The following ANO6 variants were observed in gnomAD, a reference collection of about 807,000 sequenced individuals.
ANO6 encodes anoctamin-6.
In ANO6, 106 loss-of-function variants were observed where a neutral mutation model predicts 117.5. The ratio of observed to expected loss-of-function variants is 0.90; its 90% CI spans 0.77 to 1.06. The LOEUF is 1.06. Ranked by LOEUF, ANO6 falls within the 50% of genes least tolerant of loss-of-function variation. The pLI is 0.00. For missense variants in ANO6, 955 were observed against 1,121.1 expected, an observed-to-expected ratio of 0.85 and a Z score of 2.12; for synonymous variants, 367 against 385.1, an observed-to-expected ratio of 0.95 and a Z score of 0.55.
intron 2 of ANO6, among the ~76,000 whole-genome samples, chr12:45,317,364 A>G (rs1454539759): frequency 1.4e-5 from 2 of 142,308 alleles, no homozygotes; most frequent in African/African-American, 5.2e-5. Context: ...GAGTGAGAAC[A>G]TGAAGTGTTT....
chr12:45,317,241 A>G (rs1286074095), intron 2 of ANO6, among the ~76,000 whole-genome samples: 14 of 147,362 alleles, frequency 9.5e-5, no homozygotes, highest in Non-Finnish European at 2.1e-4. Context: ...AATTTATATT[A>G]GGTGTATCTC....
intron 1 of ANO6, among the ~76,000 whole-genome samples, chr12:45,230,500 G>A (rs1947558601): frequency 6.6e-6 from 1 of 150,388 alleles, no homozygotes; most frequent in East Asian, 2.0e-4. Flanking sequence ...AAATATACAA[G>A]GGATGGTTCC....
intron 16 of ANO6, 47 bp from the exon 17 acceptor site, chr12:45,416,652 C>T (rs1340050762): frequency 1.9e-6 from 3 of 1,581,998 alleles, no homozygotes; most frequent in Middle Eastern, 1.7e-4. Context: ...AATATGTTGT[C>T]CTTCCATCCA....
chr12:45,301,931 G>A (rs773109960), intron 1 of ANO6, 83 bp from the exon 2 acceptor site: 31 of 1,123,042 alleles, frequency 2.8e-5, no homozygotes, highest in Admixed American at 5.1e-5. Context: ...TTAATAACCC[G>A]GTGCTGCTGA....
chr12:45,305,384 G>A (rs1468747631), intron 2 of ANO6, among the ~76,000 whole-genome samples: 2 of 152,124 alleles, frequency 1.3e-5, no homozygotes, highest in African/African-American at 2.4e-5. Flanking sequence ...TATCTTGAAC[G>A]TTTTCCCACA....
intron 1 of ANO6, among the ~76,000 whole-genome samples, chr12:45,254,476 G>A (rs1592877172): frequency 6.6e-6 from 1 of 152,224 alleles, no homozygotes; most frequent in African/African-American, 2.4e-5. Context: ...CTGTCTCCTA[G>A]AAGACAGGAC....
rs147245386 is a variant in ANO6 at position 45,324,798 on chromosome 12, C to A, written c.151-6497C>A. On this transcript the variant is annotated intron_variant, in intron 2 of 19. Coordinates refer to ENST00000320560, the MANE Select transcript of ANO6 (RefSeq NM_001025356.3). ...AGACTTCCTACTTTGGTTATGCCCC[C>A]ACTTACACCTTACTTATCTTCTTCA... Among the ~76,000 whole-genome samples, 409 of 152,306 alleles carry A rather than the reference C, an allele frequency of 2.7e-3. 2 individuals carry two copies. Among genetic ancestry groups the A allele is most frequent in the African/African-American group, 9.4e-3 (392 of 41,570 alleles).
intron 1 of ANO6, among the ~76,000 whole-genome samples, chr12:45,229,233 G>T (rs1363723968): frequency 1.3e-5 from 2 of 152,128 alleles, no homozygotes; most frequent in Non-Finnish European, 2.9e-5. Flanking sequence ...ATTTGGCCAA[G>T]GGTGTGGACA....
intron 2 of ANO6, among the ~76,000 whole-genome samples, chr12:45,321,073 A>G (rs556514244): frequency 9.2e-5 from 14 of 152,140 alleles, no homozygotes; most frequent in Admixed American, 3.3e-4. Flanking sequence ...TCTTTATCCA[A>G]TTTGCCAGTC....
At position 45,430,716 on chromosome 12, in the gene ANO6, C is replaced by T. The variant is rs1415819676; in HGVS notation, c.*1405C>T. On this transcript the variant is annotated 3_prime_UTR_variant, in exon 20 of 20. Coordinates refer to ENST00000320560, the MANE Select transcript of ANO6 (RefSeq NM_001025356.3). ...ACTTCCTGCTGCACTCCTGTCTTGCCATGCACGTCTTGCCCCCTCACTTTT... is the reference window on the plus strand; with the variant it reads ...ACTTCCTGCTGCACTCCTGTCTTGCTATGCACGTCTTGCCCCCTCACTTTT... 2.0e-6 allele frequency: 2 copies of T among 985,268 alleles called. No homozygotes were observed. The highest frequency in any genetic ancestry group is 1.7e-5 in the African/African-American group (1 of 57,232). 61.0% of individuals were successfully genotyped at this position (985,268 alleles called of 1,614,324 possible). A position where few individuals can be genotyped will look rare whatever the true frequency, so the allele number is the denominator to read the frequency against.
chr12:45,218,874 G>A (rs561424761), intron 1 of ANO6, among the ~76,000 whole-genome samples: 1 of 152,284 alleles, frequency 6.6e-6, no homozygotes, highest in South Asian at 2.1e-4. Context: ...ATAATAGTTT[G>A]AAACCCACTT....
At chr12:45,423,787 A>C (rs1943425609) in intron 19 of ANO6, among the ~76,000 whole-genome samples, 1 of 152,164 alleles carries the variant, frequency 6.6e-6, no homozygotes, top group Admixed American at 6.5e-5. Flanking sequence ...AATTACATGC[A>C]AAGCAGGAAG....
intron 7 of ANO6, among the ~76,000 whole-genome samples, chr12:45,354,507 C>T (rs1941362230): frequency 6.6e-6 from 1 of 151,788 alleles, no homozygotes; most frequent in South Asian, 2.1e-4. Context: ...GAGAGAGGGA[C>T]AGAGAGATCC....
Position 45,402,010 on chromosome 12 carries a change from T to G in ANO6, c.1602T>G (p.Ile534Met). ...NTIYEKVAIMITNFELPRTQT... is the reference protein window; with the variant it reads ...NTIYEKVAIMMTNFELPRTQT... The stretch of plus-strand genomic sequence containing the variant: ...TATATGAAAAAGTGGCAATTATGAT[T>G]ACTAACTTCGGTAAGGTCCTACTAT... Residue 534 changes from isoleucine (I) to methionine (M), a missense_variant, in exon 13 of 20, where the codon ATT becomes ATG. By Grantham distance (10) the Ile-to-Met change is conservative (BLOSUM62 1). Coordinates refer to ENST00000320560, the MANE Select transcript of ANO6 (RefSeq NM_001025356.3). The G allele has an allele frequency of 6.2e-7, 1 of 1,613,476 alleles. No homozygotes were observed. Among genetic ancestry groups the G allele is most frequent in the Non-Finnish European group, 8.5e-7 (1 of 1,179,594 alleles).
At chr12:45,408,032 CA>C (rs1419965419) in intron 15 of ANO6, among the ~76,000 whole-genome samples, 1 of 152,174 alleles carries the variant, frequency 6.6e-6, no homozygotes, top group Non-Finnish European at 1.5e-5. Flanking sequence ...GCTTCAGTAG[CA>C]GTCAGTGAAA....
At chr12:45,435,166 G>C (rs1177570661), downstream of ANO6, among the ~76,000 whole-genome samples, 2 of 152,038 alleles carry the variant, frequency 1.3e-5, no homozygotes, top group African/African-American at 2.4e-5. Flanking sequence ...TTTTTCCCTG[G>C]GTTTTCCTAT....
At chr12:45,304,950 G>A (rs1393708214) in intron 2 of ANO6, among the ~76,000 whole-genome samples, 1 of 152,128 alleles carries the variant, frequency 6.6e-6, no homozygotes, top group East Asian at 1.9e-4. Context: ...CTTGCTCTTG[G>A]CAGCATCCCC....
At chr12:45,288,412 TCTC>T (rs1484531979) in intron 1 of ANO6, among the ~76,000 whole-genome samples, 1 of 151,776 alleles carries the variant, frequency 6.6e-6, no homozygotes, top group Non-Finnish European at 1.5e-5. Context: ...CATTCCCCCT[TCTC>T]CTGGCAACCT....
At chr12:45,303,629 G>A (rs1939570028) in intron 2 of ANO6, among the ~76,000 whole-genome samples, 2 of 152,204 alleles carry the variant, frequency 1.3e-5, no homozygotes, top group Non-Finnish European at 2.9e-5. Flanking sequence ...TCGGCAGTTT[G>A]TTGCCACAGA....
Sources: gnomAD v4.1 joint callset for allele counts (sites outside exome capture counted in the v4.1 genomes callset) on GRCh38, gnomAD v4.1.1 for gene constraint, MANE v1.5 for transcripts, NCBI Gene and HGNC (gene_info 2026-07-23, HGNC 2026-07-21) for gene names.